Variants in PML observed in about 807,000 individuals in gnomAD.
PML encodes protein PML.
In PML, 28 loss-of-function variants were observed where a neutral mutation model predicts 65.2. The ratio of observed to expected loss-of-function variants is 0.43; its 90% CI spans 0.32 to 0.59. PML has a LOEUF of 0.59. Ranked by LOEUF, PML falls within the 20% of genes least tolerant of loss-of-function variation. The pLI is 0.08. For missense variants in PML, 1,021 were observed against 1,203.4 expected, an observed-to-expected ratio of 0.85 and a Z score of 2.24; for synonymous variants, 500 against 508.8, an observed-to-expected ratio of 0.98 and a Z score of 0.23.
At position 74,035,556 on chromosome 15, in the gene PML, A is replaced by G. The variant is rs1436882178; in HGVS notation, c.1710+1026A>G. 6.2e-7 allele frequency: 1 copy of G among 1,610,776 alleles called. No individual in the cohort carries two copies. The highest frequency in any genetic ancestry group is 8.5e-7 in the Non-Finnish European group (1 of 1,179,414). On this transcript the variant is annotated intron_variant, in intron 7 of 8. Transcript: ENST00000268058. This position sits in a 1 kb window ranked among gnomAD's most constrained non-coding sequence, Gnocchi z 4.1. Reference sequence around the variant, plus strand: ...GGTCCAAGCCAGCACTCCTGCCATCACAGGGCCCCTCAACCATCCTGCCAA... The same window carrying G: ...GGTCCAAGCCAGCACTCCTGCCATCGCAGGGCCCCTCAACCATCCTGCCAA...
rs764714500 is a variant in PML, at chr15:74,035,413, T to A, written c.1710+883T>A. 4.3e-6 allele frequency: 7 copies of A among 1,611,804 alleles called. No homozygotes were observed. In the African/African-American group the frequency reaches 9.4e-5, roughly 22 times the overall value. ...CCTGATCACCAGGAGCGCCCTGCCG[T>A]CCACCGTGGGATCCGCTACCTGTTG... On this transcript the variant is annotated intron_variant, in intron 7 of 8. Transcript: ENST00000268058. The surrounding 1 kb of genome is among the most constrained non-coding windows in gnomAD (Gnocchi z 4.1).
intron 2 of PML, among the ~76,000 whole-genome samples, chr15:74,005,300 C>G (rs531706608): frequency 6.6e-6 from 1 of 152,138 alleles, no homozygotes; most frequent in South Asian, 2.1e-4. Flanking sequence ...ATCCACCCGC[C>G]TCAGCCTCCC....
chr15:74,033,415 G>A lies in PML; in HGVS notation c.1657+1G>A. The A allele has an allele frequency of 6.2e-7, 1 of 1,612,160 alleles. No individual in the cohort carries two copies. Among genetic ancestry groups the A allele is most frequent in the Non-Finnish European group, 8.5e-7 (1 of 1,178,884 alleles). Reference sequence around the variant, plus strand: ...GTGGCCAGTGGCGCCGGGGAGGCAGGTAGGGAGGTGGGTAGGGCAGTGGCC... The same window carrying A: ...GTGGCCAGTGGCGCCGGGGAGGCAGATAGGGAGGTGGGTAGGGCAGTGGCC... On this transcript the variant is annotated splice_donor_variant, in intron 6 of 8. Coordinates refer to ENST00000268058, the MANE Select transcript of PML (RefSeq NM_033238.3). LOFTEE classifies it high-confidence loss of function.
chr15:74,045,952 C>T lies in PML; in HGVS notation c.*944C>T, dbSNP rs577335140. On this transcript the variant is annotated 3_prime_UTR_variant, in exon 9 of 9. Transcript: ENST00000268058. ...TCTCCCGGTGATGCTGGTGCATGCT[C>T]AAGTTTGAGAACCGCTGCTCTCATA... is the stretch of plus-strand genomic sequence containing the variant. 1 of 232,592 alleles carries T rather than the reference C, an allele frequency of 4.3e-6. No homozygotes were observed. The highest frequency in any genetic ancestry group is 1.3e-3 in the Middle Eastern group (1 of 786). 14.4% of individuals were successfully genotyped at this position (232,592 alleles called of 1,614,324 possible). A position where few individuals can be genotyped will look rare whatever the true frequency, so the allele number is the denominator to read the frequency against.
rs71137368 is a variant in PML at position 74,002,444 on chromosome 15, CT to C, written c.602+3987del. Among the ~76,000 whole-genome samples, 166 of 104,742 alleles carry C rather than the reference CT, an allele frequency of 1.6e-3. 1 individual carries two copies. Among genetic ancestry groups the C allele is most frequent in the Admixed American group, 3.5e-3 (29 of 8,238 alleles). 68.7% of individuals were successfully genotyped at this position (104,742 alleles called of 152,430 possible). A position where few individuals can be genotyped will look rare whatever the true frequency, so the allele number is the denominator to read the frequency against. On this transcript the variant is annotated intron_variant, in intron 2 of 8. Transcript: ENST00000268058. Reference sequence around the variant, plus strand: ...GAAACTTTCTACCTTTCTTTCTTTTCTTTTTTTTTTTTTTTTTTTGATGGAG... The same window carrying C: ...GAAACTTTCTACCTTTCTTTCTTTTCTTTTTTTTTTTTTTTTTTGATGGAG...
chr15:74,035,574 C>T lies in PML; in HGVS notation c.1710+1044C>T, dbSNP rs1416239056. On this transcript the variant is annotated intron_variant, in intron 7 of 8. Coordinates refer to ENST00000268058, the MANE Select transcript of PML (RefSeq NM_033238.3). This position sits in a 1 kb window ranked among gnomAD's most constrained non-coding sequence, Gnocchi z 4.1. ...TGCCATCACAGGGCCCCTCAACCAT[C>T]CTGCCAATGCCCAGGAACATCCTGC... 2.5e-6 allele frequency: 4 copies of T among 1,611,672 alleles called. No individual in the cohort carries two copies. The East Asian group carries it at 6.7e-5, about 27-fold the overall frequency.
chr15:73,997,158 T>C (rs903153145), intron 1 of PML, among the ~76,000 whole-genome samples: 3 of 152,240 alleles, frequency 2.0e-5, no homozygotes, highest in African/African-American at 7.2e-5. Context: ...AGACGTACTT[T>C]CAATTTTCCA....
rs1052520837 is a variant in PML, at chr15:74,046,143, G to C, written c.*1135G>C. 1 of 232,988 alleles carries C rather than the reference G, an allele frequency of 4.3e-6. No homozygotes were observed. Among genetic ancestry groups the C allele is most frequent in the African/African-American group, 2.2e-5 (1 of 45,340 alleles). The allele number at this position is 232,988 out of a possible 1,614,324, so 14.4% of individuals were successfully genotyped here. ...CCACGGTCAGAGCGGCCATCTGGCT[G>C]TGCCATCCTGCATTTTTAGGAATGG... On this transcript the variant is annotated 3_prime_UTR_variant, in exon 9 of 9. Transcript: ENST00000268058.
At chr15:74,022,282 A>G (rs943776161) in intron 2 of PML, among the ~76,000 whole-genome samples, 2 of 152,128 alleles carry the variant, frequency 1.3e-5, no homozygotes, top group Non-Finnish European at 2.9e-5. Flanking sequence ...TTTTTTTTGA[A>G]CAAACATCAG....
chr15:74,022,992 C>T lies in PML; in HGVS notation c.767C>T (p.Ala256Val). 1.2e-6 allele frequency: 2 copies of T among 1,609,546 alleles called. No homozygotes were observed. Among genetic ancestry groups the T allele is most frequent in the Non-Finnish European group, 8.5e-7 (1 of 1,178,822 alleles). Reference sequence around the variant, plus strand: ...CAGGAGCAGGATAGTGCCTTTGGCGCGGTTCACGCGCAGATGCACGCGGCC... The same window carrying T: ...CAGGAGCAGGATAGTGCCTTTGGCGTGGTTCACGCGCAGATGCACGCGGCC... ...ALQEQDSAFG[A>V]VHAQMHAAVG... The change falls in exon 3 of 9, where the codon GCG becomes GTG. Residue 256 changes from alanine to valine, a missense_variant. Transcript: ENST00000268058.
intron 4 of PML, among the ~76,000 whole-genome samples, chr15:74,031,903 T>C (rs753412122): frequency 9.2e-5 from 14 of 152,212 alleles, no homozygotes; most frequent in Non-Finnish European, 1.6e-4. Context: ...ATGAGGTAGA[T>C]GTTATTATTC....
chr15:74,024,787 C>A, intron 3 of PML, 70 bp from the exon 4 acceptor site: 1 of 1,109,482 alleles, frequency 9.0e-7, no homozygotes, highest in East Asian at 2.3e-5. Context: ...CTCTCTATCA[C>A]TGTCCCAGGT....
intron 2 of PML, among the ~76,000 whole-genome samples, chr15:73,999,090 A>C (rs1023183889): frequency 2.0e-5 from 3 of 152,184 alleles, no homozygotes; most frequent in African/African-American, 7.2e-5. Flanking sequence ...GAGAGAGTGC[A>C]ATCTTCTGTC....
At chr15:73,995,568 C>T (rs2069443193) in intron 1 of PML, among the ~76,000 whole-genome samples, 1 of 152,236 alleles carries the variant, frequency 6.6e-6, no homozygotes, top group African/African-American at 2.4e-5. Context: ...CTTTTACTCC[C>T]CTTCATGAAA....
intron 4 of PML, chr15:74,025,725 C>T (rs2071043602): frequency 6.6e-6 from 1 of 152,296 alleles, no homozygotes; most frequent in African/African-American, 2.4e-5. Flanking sequence ...GCAGTGGTGT[C>T]CCTTTGACTT....
intron 4 of PML, chr15:74,026,169 T>TTGTG (rs2141844937): frequency 6.5e-6 from 1 of 153,524 alleles, no homozygotes; most frequent in South Asian, 2.1e-4. Context: ...TGTTTTTTGT[T>TTGTG]TGTTTGTTTG....
rs781759664 is a variant in PML at position 73,998,255 on chromosome 15, T to A, written c.381T>A (p.Ala127=). The change falls in exon 2 of 9, where the codon GCT becomes GCA. Residue 127 remains alanine (A), a synonymous_variant. Coordinates refer to ENST00000268058, the MANE Select transcript of PML (RefSeq NM_033238.3). ...ACCGGCAGATTGTGGATGCGCAGGC[T>A]GTGTGCACCCGCTGCAAAGAGTCGG... The part of the protein sequence containing the change: ...SVYRQIVDAQ[A]VCTRCKESAD... 3 of 1,614,034 alleles carry A rather than the reference T, an allele frequency of 1.9e-6. No homozygotes were observed. Among genetic ancestry groups the A allele is most frequent in the Admixed American group, 3.3e-5 (2 of 59,994 alleles).
At position 74,047,102 on chromosome 15, in the gene PML, GAGACCA is replaced by G; in HGVS notation, c.*2095_*2100del. On this transcript the variant is annotated 3_prime_UTR_variant, in exon 9 of 9. Transcript: ENST00000268058. Reference sequence around the variant, plus strand: ...ACTTCCTAGAGAAAGTCAGGAACTAGAGACCAGAGTCTGCAGGAACTTTGCCACTGC... The same window carrying G: ...ACTTCCTAGAGAAAGTCAGGAACTAGGAGTCTGCAGGAACTTTGCCACTGC... 8.7e-6 allele frequency: 2 copies of G among 230,682 alleles called. No homozygotes were observed. Among genetic ancestry groups the G allele is most frequent in the Non-Finnish European group, 1.7e-5 (2 of 116,440 alleles). The allele number at this position is 230,682 out of a possible 1,614,324, so 14.3% of individuals were successfully genotyped here. A position where few individuals can be genotyped will look rare whatever the true frequency, so the allele number is the denominator to read the frequency against.
rs549798574 is a variant in PML, at chr15:74,037,026, G to A, written c.1710+2496G>A. 9 of 985,296 alleles carry A rather than the reference G, an allele frequency of 9.1e-6. No individual in the cohort carries two copies. The highest frequency in any genetic ancestry group is 3.5e-5 in the African/African-American group (2 of 57,240). The allele number at this position is 985,296 out of a possible 1,614,324, so 61.0% of individuals were successfully genotyped here. ...CCTGCCCAGCAGAAAATCCTGGAAG[G>A]ACTCAGGAGCTTGTCGCCTCTGTGC... On this transcript the variant is annotated intron_variant, in intron 7 of 8. Coordinates refer to ENST00000268058, the MANE Select transcript of PML (RefSeq NM_033238.3). This position sits in a 1 kb window ranked among gnomAD's most constrained non-coding sequence, Gnocchi z 4.2.
Sources: gnomAD v4.1 joint callset for allele counts (sites outside exome capture counted in the v4.1 genomes callset) on GRCh38, gnomAD v4.1.1 for gene constraint, Gnocchi (gnomAD v3.1) non-coding constraint, MANE v1.5 for transcripts, NCBI Gene and HGNC (gene_info 2026-07-23, HGNC 2026-07-21) for gene names.